The following TTN variants were observed in gnomAD, a reference collection of about 807,000 sequenced individuals.
TTN encodes connectin.
TTN carries 1,525 observed loss-of-function variants against 3,223.0 expected under a neutral mutation model. The observed-to-expected ratio is 0.47, with a 90% CI of 0.45 to 0.49. The LOEUF (loss-of-function observed/expected upper bound fraction) is 0.49. Among genes scored for constraint, TTN ranks in the 20% least tolerant of loss-of-function variants. The probability of loss-of-function intolerance (pLI) is 0.00; values close to 1 mark genes in which losing one functional copy is unlikely to be tolerated. For missense variants in TTN, 40,786 were observed against 43,424.0 expected (o/e 0.94, Z 5.40); for synonymous variants, 14,094 against 15,161.0 (o/e 0.93, Z 5.17).
At chr2:178,549,956 T>A in intron 337 of TTN, 30 bp downstream of exon 337, 1 of 1,576,100 alleles carries the variant, frequency 6.3e-7, no homozygotes, top group Non-Finnish European at 8.6e-7. Context: ...GTTCATAAAT[T>A]GTAGCATTAA....
rs1402899150 is a variant in TTN, at chr2:178,607,266, T to C, written c.53336A>G (p.Lys17779Arg). Residue 17779 changes from lysine to arginine, a missense_variant, in exon 278 of 363, where the codon AAA becomes AGA. Coordinates refer to ENST00000589042, the MANE Select transcript of TTN (RefSeq NM_001267550.2). The part of the protein sequence containing the change: ...LDLKPVVTNR[K>R]MCLLNWSDPE... ...ATCAGACCAGTTAAGTAGACACATT[T>C]TTCTGTTTGTTACAACAGGTTTTAA... 2 of 1,612,772 alleles carry C rather than the reference T, an allele frequency of 1.2e-6. No homozygotes were observed. The highest frequency in any genetic ancestry group is 3.3e-5 in the Admixed American group (2 of 59,932).
intron 315 of TTN, 26 bp downstream of exon 315, chr2:178,581,880 T>C: frequency 2.5e-6 from 4 of 1,611,094 alleles, no homozygotes; most frequent in Non-Finnish European, 3.4e-6. Flanking sequence ...TAACACAGGA[T>C]ATGGAACTCG....
At position 178,555,102 on chromosome 2, in the gene TTN, T is replaced by C. The variant is rs773524612; in HGVS notation, c.88357A>G (p.Arg29453Gly). The change falls in exon 331 of 363, where the codon AGA (arginine) becomes GGA (glycine). Residue 29453 changes from arginine (R) to glycine (G), a missense_variant. Coordinates refer to ENST00000589042, the MANE Select transcript of TTN (RefSeq NM_001267550.2). ...CTGAGCTTCACAGATGTACCTGCTC[T>C]GTATTTGACAACTTCTGTATATTCT... is the stretch of plus-strand genomic sequence containing the variant. ...PLEYTEVVKYRAGTSVKLRAG... is the reference protein window; with the variant it reads ...PLEYTEVVKYGAGTSVKLRAG... 3.7e-6 allele frequency: 6 copies of C among 1,613,680 alleles called. No individual in the cohort carries two copies. In the African/African-American group the frequency reaches 6.7e-5, roughly 18 times the overall value.
At chr2:178,713,447 G>A (rs2154296667) in intron 92 of TTN, 75 bp from the exon 93 acceptor site, 2 of 1,437,382 alleles carry the variant, frequency 1.4e-6, no homozygotes, top group East Asian at 2.9e-5. Flanking sequence ...ATGACTTGAA[G>A]AGAGAACTGT....
At chr2:178,701,281 T>G in intron 110 of TTN, 78 bp from the exon 111 acceptor site, 1 of 1,328,466 alleles carries the variant, frequency 7.5e-7, no homozygotes, top group Non-Finnish European at 1.0e-6. Flanking sequence ...TCTCATGCAT[T>G]TCTTTCAGTA....
rs757820671 is a variant in TTN, at chr2:178,595,672, G to A, written c.57682C>T (p.Arg19228Cys). 27 of 1,608,146 alleles carry A rather than the reference G, an allele frequency of 1.7e-5. No individual in the cohort carries two copies. The African/African-American group carries it at 1.7e-4, about 10-fold the overall frequency. ...NYVIEKRESDRRAWTPVTYTV... is the reference protein window; with the variant it reads ...NYVIEKRESDCRAWTPVTYTV... ...TATGTCACTGGGGTCCATGCTCTGC[G>A]GTCAGATTCACGCTTTTCAATGACA... Residue 19228 changes from arginine to cysteine, a missense_variant, in exon 295 of 363, where the codon CGC becomes TGC. Physicochemically the swap from Arg to Cys is radical, Grantham distance 180. Transcript: ENST00000589042.
At chr2:178,607,353 T>C in intron 277 of TTN, 39 bp from the exon 278 acceptor site, 2 of 1,612,548 alleles carry the variant, frequency 1.2e-6, no homozygotes, top group Non-Finnish European at 8.5e-7. Flanking sequence ...TGTAATAAGA[T>C]AGTATCACTT....
chr2:178,550,884 C>T, intron 336 of TTN, 83 bp downstream of exon 336: 1 of 1,324,568 alleles, frequency 7.5e-7, no homozygotes, highest in Non-Finnish European at 1.0e-6. Context: ...TTTCTGTTAC[C>T]ATTTTACAGG....
chr2:178,707,014 C>T, intron 100 of TTN, 60 bp from the exon 101 acceptor site: 2 of 1,437,102 alleles, frequency 1.4e-6, no homozygotes, highest in Non-Finnish European at 1.9e-6. Context: ...ATACATATCC[C>T]CCTTTGTAAA....
chr2:178,751,264 T>G (rs772576264), intron 47 of TTN: 5 of 1,609,022 alleles, frequency 3.1e-6, no homozygotes, highest in Non-Finnish European at 4.2e-6. Flanking sequence ...TTTTCTCCAT[T>G]AATGTTTTTC....
chr2:178,613,672 T>C (rs1192923799), intron 263 of TTN, 79 bp downstream of exon 263: 2 of 1,422,084 alleles, frequency 1.4e-6, no homozygotes, highest in African/African-American at 1.4e-5. Flanking sequence ...TATAATCATC[T>C]GTAATCCCAA....
chr2:178,774,613 G>T, intron 29 of TTN, 140 bp from the exon 30 acceptor site: 1 of 779,182 alleles, frequency 1.3e-6, no homozygotes, highest in Non-Finnish European at 2.0e-6. Flanking sequence ...CTGATGGGCT[G>T]AGAGATAAAT....
At position 178,560,921 on chromosome 2, in the gene TTN, G is replaced by A. The variant is rs368218177; in HGVS notation, c.85211C>T (p.Thr28404Ile). The A allele has an allele frequency of 1.2e-6, 2 of 1,613,648 alleles. No individual in the cohort carries two copies. The highest frequency in any genetic ancestry group is 1.3e-5 in the African/African-American group (1 of 74,894). Residue 28404 changes from threonine (T) to isoleucine (I), a missense_variant, in exon 326 of 363, where the codon ACA (threonine) becomes ATA (isoleucine). Physicochemically the swap from Thr to Ile is moderately conservative, Grantham distance 89 (BLOSUM62 -1). Coordinates refer to ENST00000589042, the MANE Select transcript of TTN (RefSeq NM_001267550.2). ...DGIEIEERARTEIISTDNHTL... is the reference protein window; with the variant it reads ...DGIEIEERARIEIISTDNHTL... Reference sequence around the variant, plus strand: ...ATGATTGTCTGTTGAGATGATTTCTGTTCTTGCTCTTTCTTCAATTTCTAT... The same window carrying A: ...ATGATTGTCTGTTGAGATGATTTCTATTCTTGCTCTTTCTTCAATTTCTAT...
At chr2:178,545,238 A>T in intron 344 of TTN, 150 bp downstream of exon 344, 1 of 629,138 alleles carries the variant, frequency 1.6e-6, no homozygotes, top group Non-Finnish European at 2.4e-6. Flanking sequence ...ATGTTCTCTG[A>T]CTTAAGCTAT....
intron 313 of TTN, 133 bp downstream of exon 313, chr2:178,582,807 T>TC: frequency 1.0e-6 from 1 of 968,816 alleles, no homozygotes; most frequent in South Asian, 2.9e-5. Context: ...CGTGGTTCTG[T>TC]CATAAGAATA....
chr2:178,683,080 G>T, intron 134 of TTN, 131 bp downstream of exon 134: 1 of 940,960 alleles, frequency 1.1e-6, no homozygotes, highest in Non-Finnish European at 1.7e-6. Context: ...TAGCAATTGT[G>T]ATTTCAAATG....
At position 178,685,508 on chromosome 2, in the gene TTN, G is replaced by T; in HGVS notation, c.32392+10C>A. On this transcript the variant is annotated intron_variant, in intron 128 of 362. Coordinates refer to ENST00000589042, the MANE Select transcript of TTN (RefSeq NM_001267550.2). ...ACATAGGGATAAAACTAATTAAAGA[G>T]TCAGCATACCTTCAGCTGGCTCAGC... 1 of 1,609,116 alleles carries T rather than the reference G, an allele frequency of 6.2e-7. No homozygotes were observed. Among genetic ancestry groups the T allele is most frequent in the Non-Finnish European group, 8.5e-7 (1 of 1,177,554 alleles).
chr2:178,576,444 A>G lies in TTN; in HGVS notation c.69716-28T>C. The G allele has an allele frequency of 5.0e-6, 8 of 1,585,744 alleles. No homozygotes were observed. The highest frequency in any genetic ancestry group is 2.2e-5 in the East Asian group (1 of 44,576). ...GAGAAAGAAACAAAGACACAAAAGT[A>G]TATATTCAGAGTTTGGCTTTTGGGT... is the stretch of plus-strand genomic sequence containing the variant. On this transcript the variant is annotated intron_variant, in intron 325 of 362. Transcript: ENST00000589042. The surrounding 1 kb of genome is among the most constrained non-coding windows in gnomAD (Gnocchi z 4.3).
At position 178,768,640 on chromosome 2, in the gene TTN, T is replaced by G. The variant is rs80137875; in HGVS notation, c.9163+33A>C. Reference sequence around the variant, plus strand: ...AATTTTATAAAGCATGTATGACATTTTTTCTATGGATCTAATATGTATGAA... The same window carrying G: ...AATTTTATAAAGCATGTATGACATTGTTTCTATGGATCTAATATGTATGAA... On this transcript the variant is annotated intron_variant, in intron 38 of 362. Coordinates refer to ENST00000589042, the MANE Select transcript of TTN (RefSeq NM_001267550.2). 2.0e-4 allele frequency: 325 copies of G among 1,613,572 alleles called. No homozygotes were observed. In the African/African-American group the frequency reaches 4.1e-3, roughly 20 times the overall value.
Sources: allele counts gnomAD v4.1 joint callset, GRCh38; gene constraint gnomAD v4.1.1; non-coding constraint Gnocchi (gnomAD v3.1); transcripts MANE v1.5; gene names NCBI Gene and HGNC (gene_info 2026-07-23, HGNC 2026-07-21).